The following PAX4 variants were observed in gnomAD, a reference collection of about 807,000 sequenced individuals.
The protein encoded by PAX4 is paired box 4.
A neutral mutation model predicts 40.6 loss-of-function variants in PAX4; 33 were observed. The ratio of observed to expected loss-of-function variants is 0.81; its 90% CI spans 0.62 to 1.09. The LOEUF is 1.09. Ranked by LOEUF, PAX4 falls within the 50% of genes least tolerant of loss-of-function variation. The pLI, the probability that PAX4 is intolerant of heterozygous loss-of-function variation, is 0.00. For missense variants in PAX4, 459 were observed against 442.5 expected, an observed-to-expected ratio of 1.04 and a Z score of -0.33; for synonymous variants, 174 against 170.6, an observed-to-expected ratio of 1.02 and a Z score of -0.16.
chr7:127,613,541 A>T lies in PAX4; in HGVS notation c.563-9T>A, dbSNP rs1794671164. On this transcript the variant is annotated splice_polypyrimidine_tract_variant and intron_variant, in intron 7 of 11. Transcript: ENST00000639438. ...CTGCCCACGCTGGAACTCTGCGGAG[A>T]TCGAGTCTCACAAAGTAAGGGCACC... is the stretch of plus-strand genomic sequence containing the variant. The T allele has an allele frequency of 6.8e-6, 11 of 1,614,042 alleles. No individual in the cohort carries two copies. Among genetic ancestry groups the T allele is most frequent in the Non-Finnish European group, 9.3e-6 (11 of 1,179,950 alleles).
chr7:127,613,502 A>T lies in PAX4; in HGVS notation c.593T>A (p.Val198Glu), dbSNP rs753159405. ...EFQRGQYPDS[V>E]ARGKLATATS... is the part of the protein sequence containing the mutation. ...GGCAGTAGCCAGCTTTCCACGGGCC[A>T]CTGAATCAGGATACTGCCCACGCTG... Residue 198 changes from valine (V) to glutamate (E), a missense_variant, in exon 8 of 12, where the codon GTG (valine) becomes GAG (glutamate). By Grantham distance (121) the Val-to-Glu change is moderately radical. Coordinates refer to ENST00000639438, the MANE Select transcript of PAX4 (RefSeq NM_001366110.1). The T allele has an allele frequency of 6.2e-7, 1 of 1,614,178 alleles. No individual in the cohort carries two copies. Among genetic ancestry groups the T allele is most frequent in the Non-Finnish European group, 8.5e-7 (1 of 1,180,028 alleles).
At chr7:127,612,467 G>GTGGA (rs68012321) in intron 9 of PAX4, among the ~76,000 whole-genome samples, 5,161 of 141,884 alleles carry the variant, frequency 0.036, 125 homozygotes, top group East Asian at 0.092. Flanking sequence ...GAATGAATGG[G>GTGGA]TGGATGGATG....
intron 11 of PAX4, 110 bp downstream of exon 11, chr7:127,611,425 G>T: frequency 6.3e-7 from 1 of 1,589,962 alleles, no homozygotes; most frequent in East Asian, 2.2e-5. Context: ...GAGGAAAGCT[G>T]TATTGAGATT....
chr7:127,615,921 T>C lies in PAX4; in HGVS notation c.8A>G (p.Gln3Arg), dbSNP rs1794717977. 2 of 1,536,130 alleles carry C rather than the reference T, an allele frequency of 1.3e-6. No homozygotes were observed. Among genetic ancestry groups the C allele is most frequent in the Middle Eastern group, 1.7e-4 (1 of 5,988 alleles). Residue 3 changes from glutamine to arginine, a missense_variant, in exon 3 of 12, where the codon CAG becomes CGG. Transcript: ENST00000639438. ...ACTTCCCCCAGGCTCCTCACCGTCCTGATGCATGCTCCAGGCTGACCCTCC... is the reference window on the plus strand; with the variant it reads ...ACTTCCCCCAGGCTCCTCACCGTCCCGATGCATGCTCCAGGCTGACCCTCC... MH[Q>R]DGISSMNQLG...
Position 127,611,996 on chromosome 7 carries a change from A to T in PAX4, c.720T>A (p.Ala240=). The T allele has an allele frequency of 6.2e-7, 1 of 1,613,980 alleles. No individual in the cohort carries two copies. The highest frequency in any genetic ancestry group is 1.6e-4 in the Middle Eastern group (1 of 6,062). ...CCCTTGGTACAGTCAGCCCCTGGGA[A>T]GCACCTATAAAATGAGAGTGAATCC... ...KLKWEMQLPG[A]SQGLTVPRVA... Residue 240 remains alanine (A), a synonymous_variant, in exon 10 of 12, where the codon GCT becomes GCA. Transcript: ENST00000639438.
In PAX4 at chr7:127,615,463, G is replaced by T; in HGVS notation, c.82C>A (p.Gln28Lys). The T allele has an allele frequency of 6.2e-7, 1 of 1,614,198 alleles. No individual in the cohort carries two copies. The highest frequency in any genetic ancestry group is 1.1e-5 in the South Asian group (1 of 91,080). ...CTGACTGCTAGCCGCACAATCTGCT[G>T]CCGGGTATCCAGAGGCAGGGGCCGG... is the stretch of plus-strand genomic sequence containing the variant. Reference protein sequence around the residue: ...NGRPLPLDTRQQIVRLAVSGM... With the variant: ...NGRPLPLDTRKQIVRLAVSGM... Residue 28 changes from glutamine to lysine, a missense_variant, in exon 4 of 12, where the codon CAG becomes AAG. Physicochemically the swap from Gln to Lys is moderately conservative, Grantham distance 53. Coordinates refer to ENST00000639438, the MANE Select transcript of PAX4 (RefSeq NM_001366110.1).
intron 8 of PAX4, 57 bp downstream of exon 8, chr7:127,613,393 T>C: frequency 1.9e-6 from 3 of 1,557,398 alleles, no homozygotes; most frequent in Non-Finnish European, 1.8e-6. Context: ...CCCAAAGCCC[T>C]GGCCGGCCCA....
chr7:127,617,109 G>A (rs548927513), intron 2 of PAX4, among the ~76,000 whole-genome samples, 166 bp downstream of exon 2: 57 of 152,246 alleles, frequency 3.7e-4, no homozygotes, highest in Admixed American at 2.6e-4. Flanking sequence ...ATTGCTGGTT[G>A]TTCAGGATGA....
intron 9 of PAX4, among the ~76,000 whole-genome samples, chr7:127,612,636 T>A (rs1794650077): frequency 6.7e-6 from 1 of 149,264 alleles, no homozygotes; most frequent in African/African-American, 2.5e-5. Flanking sequence ...GATGGGTGGA[T>A]AAATGGGTAG....
intron 10 of PAX4, 105 bp from the exon 11 acceptor site, chr7:127,611,781 C>A: frequency 6.2e-7 from 1 of 1,600,938 alleles, no homozygotes; most frequent in South Asian, 1.1e-5. Context: ...TCCTGCACAA[C>A]TCCAGAGGGC....
In PAX4 at chr7:127,613,660, A is replaced by AG. The variant is rs3835004; in HGVS notation, c.562+95_562+96insC. 1,224,626 of 1,599,492 alleles carry AG rather than the reference A, an allele frequency of 0.77. 474,382 individuals carry two copies. The highest frequency in any genetic ancestry group is 0.83 in the Middle Eastern group (4,094 of 4,912). On this transcript the variant is annotated intron_variant, in intron 7 of 11. Transcript: ENST00000639438. Reference sequence around the variant, plus strand: ...TCCTCCTCAAGGCAGGGCCACTCACACCTGCACCTCTCAGCCTTTGCCCAC... The same window carrying AG: ...TCCTCCTCAAGGCAGGGCCACTCACAGCCTGCACCTCTCAGCCTTTGCCCAC...
Position 127,616,109 on chromosome 7 carries a change from G to A in PAX4, c.-99-82C>T, listed in dbSNP as rs1048025512. ...GTAGTGTTTTGTGATAGAGGGTCAG[G>A]TTCCTAAAATTTGCCAGTGGGTTGG... On this transcript the variant is annotated intron_variant, in intron 2 of 11. Transcript: ENST00000639438. 1.3e-5 allele frequency: 9 copies of A among 669,540 alleles called. No individual in the cohort carries two copies. The Middle Eastern group carries it at 1.2e-3, about 88-fold the overall frequency. 41.5% of individuals were successfully genotyped at this position (669,540 alleles called of 1,614,324 possible).
chr7:127,611,489 A>G (rs1187255259), intron 11 of PAX4, 46 bp downstream of exon 11: 2 of 1,611,672 alleles, frequency 1.2e-6, no homozygotes, highest in Non-Finnish European at 8.5e-7. Context: ...GAGTCAGTCG[A>G]CCCTCCCTAC....
At chr7:127,611,856 G>A in intron 10 of PAX4, 89 bp downstream of exon 10, 4 of 1,601,182 alleles carry the variant, frequency 2.5e-6, no homozygotes, top group Non-Finnish European at 3.4e-6. Context: ...GCCCTGGAGA[G>A]CCGGAGATCC....
chr7:127,614,891 T>G lies in PAX4; in HGVS notation c.349A>C (p.Lys117Gln). The G allele has an allele frequency of 6.2e-7, 1 of 1,614,046 alleles. No individual in the cohort carries two copies. Among genetic ancestry groups the G allele is most frequent in the East Asian group, 2.2e-5 (1 of 44,868 alleles). Reference protein sequence around the residue: ...LCAEGLCTQDKTPSVSSINRV... With the variant: ...LCAEGLCTQDQTPSVSSINRV... The stretch of plus-strand genomic sequence containing the variant: ...GGAAGGGTACTTACACTGGGAGTCT[T>G]GTCCTGGGTGCAAAGCCCTTCAGCA... The change falls in exon 5 of 12, where the codon AAG becomes CAG. Residue 117 changes from lysine (K) to glutamine (Q), a missense_variant. Coordinates refer to ENST00000639438, the MANE Select transcript of PAX4 (RefSeq NM_001366110.1).
Position 127,611,639 on chromosome 7 carries a change from G to T in PAX4, c.809C>A (p.Ala270Asp). The T allele has an allele frequency of 6.2e-7, 1 of 1,613,590 alleles. No individual in the cohort carries two copies. Residue 270 changes from alanine to aspartate, a missense_variant, in exon 11 of 12, where the codon GCC (alanine) becomes GAC (aspartate). Physicochemically the swap from Ala to Asp is moderately radical, Grantham distance 126. Transcript: ENST00000639438. ...GCAGGAGGGACCCAGTGGTTCCAGG[G>T]CAGGCAGGGCTGCTGTGGGCACACT... ...PGSVPTAALP[A>D]LEPLGPSCYQ...
rs761660224 is a variant in PAX4 at position 127,611,220 on chromosome 7, TAGAG to T, written c.914-18_914-15del. 8 of 1,584,554 alleles carry T rather than the reference TAGAG, an allele frequency of 5.0e-6. No individual in the cohort carries two copies. Among genetic ancestry groups the T allele is most frequent in the South Asian group, 2.3e-5 (2 of 87,536 alleles). On this transcript the variant is annotated splice_polypyrimidine_tract_variant and intron_variant, in intron 11 of 11. Coordinates refer to ENST00000639438, the MANE Select transcript of PAX4 (RefSeq NM_001366110.1). ...GGGGCAAGTGGCCTGTGGGGACAAATAGAGAGAGCTTGGGGTTATTGCTCCCACC... is the reference window on the plus strand; with the variant it reads ...GGGGCAAGTGGCCTGTGGGGACAAATAGAGCTTGGGGTTATTGCTCCCACC...
intron 2 of PAX4, 122 bp downstream of exon 2, chr7:127,617,153 C>T (rs577510768): frequency 6.6e-6 from 1 of 152,320 alleles, no homozygotes; most frequent in East Asian, 1.9e-4. Flanking sequence ...AGTCTTTGCT[C>T]TCCAACACAT....
chr7:127,616,082 A>C, intron 2 of PAX4, 55 bp from the exon 3 acceptor site: 1 of 872,588 alleles, frequency 1.1e-6, no homozygotes, highest in Non-Finnish European at 1.7e-6. Flanking sequence ...TGGTCCTGGG[A>C]GGTAGTGTTT....
Sources: gnomAD v4.1 joint callset for allele counts (sites outside exome capture counted in the v4.1 genomes callset) on GRCh38, gnomAD v4.1.1 for gene constraint, MANE v1.5 for transcripts, NCBI Gene and HGNC (gene_info 2026-07-23, HGNC 2026-07-21) for gene names.